Variants in THSD7B observed in about 807,000 individuals in gnomAD.
THSD7B encodes the protein thrombospondin type 1 domain containing 7B.
In THSD7B, 138 loss-of-function variants were observed where a neutral mutation model predicts 213.6. The ratio of observed to expected loss-of-function variants is 0.65; its 90% confidence interval spans 0.56 to 0.74. The LOEUF is 0.74. Among genes scored for constraint, THSD7B ranks in the 30% least tolerant of loss-of-function variants. THSD7B has a pLI of 0.00. For synonymous variants in THSD7B, 742 were observed against 687.0 expected (o/e 1.08, Z -1.25); for missense variants, 1,931 against 1,991.5 (o/e 0.97, Z 0.58).
At position 137,075,052 on chromosome 2, in the gene THSD7B, C is replaced by T. The variant is rs1189048921; in HGVS notation, c.950+17822C>T. On this transcript the variant is annotated intron_variant, in intron 3 of 27. Coordinates refer to ENST00000409968, the MANE Select transcript of THSD7B (RefSeq NM_001316349.2). ...TTCATTTCAACTTTGGTGAATCTGA[C>T]AATTATGTGTCTTGGAGTTGCTCTT... Among the ~76,000 whole-genome samples the T allele has an allele frequency of 2.0e-5, 3 of 152,158 alleles. No individual in the cohort carries two copies. In the East Asian group the frequency reaches 5.8e-4, roughly 29 times the overall value.
intron 15 of THSD7B, among the ~76,000 whole-genome samples, chr2:137,476,696 C>A (rs113205433): frequency 0.047 from 7,091 of 152,064 alleles, 569 homozygotes; most frequent in African/African-American, 0.16. Flanking sequence ...TCAGCCACCA[C>A]GCCAGGCTAA....
chr2:136,941,712 A>G (rs1320697047), intron 2 of THSD7B, among the ~76,000 whole-genome samples: 1 of 151,842 alleles, frequency 6.6e-6, no homozygotes, highest in African/African-American at 2.4e-5. Context: ...TTTCTTGAAA[A>G]TTTGTTTAAG....
intron 27 of THSD7B, among the ~76,000 whole-genome samples, chr2:137,673,200 C>A (rs965021089): frequency 6.6e-6 from 1 of 152,194 alleles, no homozygotes; most frequent in African/African-American, 2.4e-5. Flanking sequence ...ACAATGAGCT[C>A]ACTTTTCTGG....
At chr2:137,249,879 A>G (rs1682131182) in intron 10 of THSD7B, among the ~76,000 whole-genome samples, 1 of 152,258 alleles carries the variant, frequency 6.6e-6, no homozygotes, top group Admixed American at 6.5e-5. Context: ...CAGGCTTTGC[A>G]TGTTATAGAT....
chr2:137,130,560 G>C (rs1423135556), intron 5 of THSD7B, among the ~76,000 whole-genome samples: 1 of 128,928 alleles, frequency 7.8e-6, no homozygotes, highest in Non-Finnish European at 1.5e-5. Flanking sequence ...CCCAGAGTGT[G>C]ATGTTCCCCT....
intron 15 of THSD7B, among the ~76,000 whole-genome samples, chr2:137,502,473 T>C (rs1417336383): frequency 6.6e-6 from 1 of 152,120 alleles, no homozygotes; most frequent in East Asian, 1.9e-4. Flanking sequence ...ATGGAGTACA[T>C]TGATTCCATT....
chr2:136,773,352 T>G (rs746147491), intron 1 of THSD7B, among the ~76,000 whole-genome samples: 14 of 152,038 alleles, frequency 9.2e-5, no homozygotes, highest in Admixed American at 2.0e-4. Flanking sequence ...AGTCGGGAGG[T>G]GCATGCAGGC....
At chr2:137,365,255 G>T (rs1685381135) in intron 12 of THSD7B, among the ~76,000 whole-genome samples, 1 of 152,196 alleles carries the variant, frequency 6.6e-6, no homozygotes, top group Admixed American at 6.5e-5. Context: ...ATGGATTAAA[G>T]ACTTACCTGT....
chr2:137,620,681 G>A lies in THSD7B; in HGVS notation c.3754G>A (p.Gly1252Arg). The A allele has an allele frequency of 1.2e-6, 2 of 1,613,976 alleles. No homozygotes were observed. Among genetic ancestry groups the A allele is most frequent in the Non-Finnish European group, 1.7e-6 (2 of 1,179,848 alleles). Residue 1252 changes from glycine (G) to arginine (R), a missense_variant, in exon 20 of 28, where the codon GGG becomes AGG. Gly to Arg is a moderately radical substitution (Grantham distance 125). Transcript: ENST00000409968. ...VECVVNCQLSGWTAWTECSQT... is the reference protein window; with the variant it reads ...VECVVNCQLSRWTAWTECSQT... ...ATGCGTGGTCAACTGTCAGCTCTCA[G>A]GGTGGACGGCTTGGACAGAGTGTTC...
intron 2 of THSD7B, among the ~76,000 whole-genome samples, chr2:137,052,198 T>C (rs1687081656): frequency 6.6e-6 from 1 of 152,184 alleles, no homozygotes; most frequent in African/African-American, 2.4e-5. Context: ...TTAAAATACT[T>C]GGACTATTCA....
At chr2:137,058,558 CTAT>C (rs1687210416) in intron 3 of THSD7B, among the ~76,000 whole-genome samples, 1 of 151,894 alleles carries the variant, frequency 6.6e-6, no homozygotes, top group South Asian at 2.1e-4. Flanking sequence ...TAGTTTTTTC[CTAT>C]TATTAACATC....
Position 137,405,602 on chromosome 2 carries a change from C to CT in THSD7B, c.2501-4dup, listed in dbSNP as rs759503343. ...CAAAATAATAACAAAAGAATTCATG[C>CT]TTTTTTTCAGCTGTCTCATGCATCT... On this transcript the variant is annotated splice_polypyrimidine_tract_variant and intron_variant, in intron 12 of 27. Transcript: ENST00000409968. The CT allele has an allele frequency of 1.2e-5, 19 of 1,578,866 alleles. No individual in the cohort carries two copies. The highest frequency in any genetic ancestry group is 2.3e-5 in the East Asian group (1 of 44,198).
At chr2:137,161,760 A>C (rs1461930053) in intron 6 of THSD7B, among the ~76,000 whole-genome samples, 1 of 151,538 alleles carries the variant, frequency 6.6e-6, no homozygotes, top group Non-Finnish European at 1.5e-5. Flanking sequence ...TTCCATTTAT[A>C]CTAATACCTA....
At chr2:137,079,706 T>C (rs947012385) in intron 3 of THSD7B, among the ~76,000 whole-genome samples, 4 of 152,236 alleles carry the variant, frequency 2.6e-5, no homozygotes, top group Non-Finnish European at 4.4e-5. Flanking sequence ...ATTAACCTTA[T>C]TTACTTTTAT....
intron 5 of THSD7B, among the ~76,000 whole-genome samples, chr2:137,122,484 C>T (rs1349936844): frequency 6.6e-6 from 1 of 151,976 alleles, no homozygotes; most frequent in Non-Finnish European, 1.5e-5. Flanking sequence ...TGTAAAGACA[C>T]TGAAGTGGAA....
intron 10 of THSD7B, among the ~76,000 whole-genome samples, chr2:137,270,660 C>T (rs1011892496): frequency 1.1e-4 from 16 of 152,086 alleles, no homozygotes; most frequent in Non-Finnish European, 2.2e-4. Context: ...TGGGTGGTGG[C>T]AAGGAGAAAG....
At chr2:136,912,264 G>C (rs1028820755) in intron 2 of THSD7B, among the ~76,000 whole-genome samples, 1 of 143,976 alleles carries the variant, frequency 6.9e-6, no homozygotes, top group Non-Finnish European at 1.5e-5. Flanking sequence ...GGAGGTTGCA[G>C]TGAGTTGAGA....
At chr2:136,936,336 AAAG>A (rs928796576) in intron 2 of THSD7B, among the ~76,000 whole-genome samples, 1 of 152,214 alleles carries the variant, frequency 6.6e-6, no homozygotes, top group African/African-American at 2.4e-5. Flanking sequence ...ACCCAGAAGA[AAAG>A]AAGTCATTAT....
At chr2:137,306,555 T>A (rs1330212599) in intron 12 of THSD7B, among the ~76,000 whole-genome samples, 1 of 152,150 alleles carries the variant, frequency 6.6e-6, no homozygotes, top group East Asian at 1.9e-4. Context: ...TGTGATAAGA[T>A]ATTTTGTTCT....
Sources: allele counts gnomAD v4.1 joint callset (sites outside exome capture counted in the v4.1 genomes callset), GRCh38; gene constraint gnomAD v4.1.1; transcripts MANE v1.5; gene names NCBI Gene and HGNC (gene_info 2026-07-23, HGNC 2026-07-21).